The following CATSPERT variants were observed in gnomAD, a reference collection of about 807,000 sequenced individuals.
The protein encoded by CATSPERT is cation channel sperm-associated targeting subunit tau.
the CATSPERT span, among the ~76,000 whole-genome samples, chr2:201,615,308 A>G: frequency 6.6e-6 from 1 of 152,254 alleles, no homozygotes; most frequent in Non-Finnish European, 1.5e-5. Flanking sequence ...AGTTGGAAGT[A>G]AAGCACTCCT....
chr2:201,558,863 C>A, the CATSPERT span, among the ~76,000 whole-genome samples: 3 of 152,148 alleles, frequency 2.0e-5, no homozygotes, highest in Non-Finnish European at 4.4e-5. Context: ...CCTCCAAACC[C>A]ACATAGGTGA....
At chr2:201,601,703 A>G in the CATSPERT span, 1 of 1,564,802 alleles carries the variant, frequency 6.4e-7, no homozygotes, top group Middle Eastern at 1.7e-4. Context: ...AACTATAAGG[A>G]GCCATTCTAA....
chr2:201,497,427 G>A, the CATSPERT span, among the ~76,000 whole-genome samples: 75,651 of 152,000 alleles, frequency 0.5, 19,948 homozygotes, highest in African/African-American at 0.68. Context: ...AACATTTGAA[G>A]GCTCATTGCT....
chr2:201,491,532 A>T, the CATSPERT span: 1 of 1,536,296 alleles, frequency 6.5e-7, no homozygotes, highest in South Asian at 1.2e-5. Flanking sequence ...TATTGTTATT[A>T]TTTCCTTTCA....
At chr2:201,545,397 C>T in the CATSPERT span, 6 of 550,018 alleles carry the variant, frequency 1.1e-5, no homozygotes, top group African/African-American at 4.0e-5. Flanking sequence ...ATCACACCTA[C>T]CATATGCCAA....
At chr2:201,564,825 A>G in the CATSPERT span, among the ~76,000 whole-genome samples, 5 of 152,240 alleles carry the variant, frequency 3.3e-5, no homozygotes, top group Admixed American at 2.6e-4. Context: ...TCTATTGTTC[A>G]AACCATTCAA....
At chr2:201,604,521 G>A in the CATSPERT span, 101 of 656,592 alleles carry the variant, frequency 1.5e-4, no homozygotes, top group Middle Eastern at 2.7e-4. Flanking sequence ...TCATAAATAC[G>A]CCATCAGAGA....
At chr2:201,546,966 A>G in the CATSPERT span, among the ~76,000 whole-genome samples, 1 of 152,182 alleles carries the variant, frequency 6.6e-6, no homozygotes, top group African/African-American at 2.4e-5. Context: ...AAGTACTGGT[A>G]CATGCTACAA....
chr2:201,542,610 T>C, the CATSPERT span, among the ~76,000 whole-genome samples: 1 of 152,232 alleles, frequency 6.6e-6, no homozygotes, highest in Non-Finnish European at 1.5e-5. Context: ...TGATGATTAA[T>C]GATGATAAAC....
the CATSPERT span, chr2:201,511,802 C>T: frequency 4.8e-5 from 6 of 123,854 alleles, no homozygotes; most frequent in African/African-American, 1.8e-4. Context: ...AAGTTTGCCT[C>T]AAAATACTGC....
chr2:201,541,747 G>A, the CATSPERT span, among the ~76,000 whole-genome samples: 7 of 151,040 alleles, frequency 4.6e-5, no homozygotes, highest in African/African-American at 9.7e-5. Context: ...AGGCGTGAGC[G>A]ACCACACCCT....
At chr2:201,492,646 A>T in the CATSPERT span, 1 of 1,528,764 alleles carries the variant, frequency 6.5e-7, no homozygotes, top group Non-Finnish European at 8.8e-7. Context: ...AATCTCTTTT[A>T]AAAAAGATCT....
At chr2:201,604,015 T>G in the CATSPERT span, among the ~76,000 whole-genome samples, 14 of 152,276 alleles carry the variant, frequency 9.2e-5, no homozygotes, top group South Asian at 2.9e-3. Flanking sequence ...TAAATGAATG[T>G]CATAATATTT....
chr2:201,500,297 G>A, the CATSPERT span, among the ~76,000 whole-genome samples: 4 of 151,964 alleles, frequency 2.6e-5, no homozygotes, highest in African/African-American at 4.8e-5. Flanking sequence ...GGTAGATCAC[G>A]AGGTCAGGAG....
At chr2:201,487,508 C>T in the CATSPERT span, 10 of 1,104,610 alleles carry the variant, frequency 9.1e-6, no homozygotes, top group South Asian at 1.1e-4. Flanking sequence ...AAGAAGAGAT[C>T]TCCAAACCAT....
the CATSPERT span, among the ~76,000 whole-genome samples, chr2:201,515,227 T>TAG: frequency 0.08 from 6,304 of 78,906 alleles, 1,188 homozygotes; most frequent in African/African-American, 0.2. Context: ...TTTTTTTTTT[T>TAG]TTTTTTTTTT....
chr2:201,549,439 C>T, the CATSPERT span, among the ~76,000 whole-genome samples: 2 of 151,986 alleles, frequency 1.3e-5, no homozygotes, highest in African/African-American at 2.4e-5. Context: ...CATGGCCACC[C>T]ATAACCATAT....
At chr2:201,489,023 T>A in the CATSPERT span, among the ~76,000 whole-genome samples, 1 of 152,200 alleles carries the variant, frequency 6.6e-6, no homozygotes, top group Non-Finnish European at 1.5e-5. Flanking sequence ...CCCAGGCCAC[T>A]GGTCACTTTT....
the CATSPERT span, chr2:201,554,898 T>C: frequency 6.6e-6 from 1 of 152,196 alleles, no homozygotes; most frequent in African/African-American, 2.4e-5. Context: ...AAACTCCACA[T>C]ACTCATTACA....
Sources: gnomAD v4.1 joint callset for allele counts (sites outside exome capture counted in the v4.1 genomes callset) on GRCh38, gnomAD v4.1.1 for gene constraint, MANE v1.5 for transcripts, NCBI Gene and HGNC (gene_info 2026-07-23, HGNC 2026-07-21) for gene names.